The following ERMP1 variants were observed in gnomAD, a reference collection of about 807,000 sequenced individuals.
ERMP1 encodes endoplasmic reticulum metallopeptidase 1, also known as Felix-ina.
In ERMP1, 86 loss-of-function variants were observed where a neutral mutation model predicts 92.0. The ratio of observed to expected loss-of-function variants is 0.93; its 90% CI spans 0.79 to 1.12. The LOEUF (loss-of-function observed/expected upper bound fraction) is 1.12, where lower values mean the gene tolerates loss of function less well. ERMP1 is among the 50% of genes most tolerant of loss of function. The pLI is 0.00. For synonymous variants in ERMP1, 530 were observed against 412.8 expected, an observed-to-expected ratio of 1.28 and a Z score of -3.44; for missense variants, 1,342 against 1,116.3, an observed-to-expected ratio of 1.20 and a Z score of -2.88.
chr9:5,787,323 C>A lies in ERMP1; in HGVS notation c.2551-15G>T. 2 of 1,609,486 alleles carry A rather than the reference C, an allele frequency of 1.2e-6. No homozygotes were observed. Among genetic ancestry groups the A allele is most frequent in the Admixed American group, 1.7e-5 (1 of 59,528 alleles). On this transcript the variant is annotated splice_polypyrimidine_tract_variant and intron_variant, in intron 14 of 14. Coordinates refer to ENST00000339450, the MANE Select transcript of ERMP1 (RefSeq NM_024896.3). ...TCTTCTGAAACCTGCCAGAGAAAATCAATTAGTTCTCCAGTTCTCAGAAGC... is the reference window on the plus strand; with the variant it reads ...TCTTCTGAAACCTGCCAGAGAAAATAAATTAGTTCTCCAGTTCTCAGAAGC...
At chr9:5,854,255 C>T (rs1431422091) in intron 6 of ERMP1, among the ~76,000 whole-genome samples, 2 of 151,888 alleles carry the variant, frequency 1.3e-5, no homozygotes, top group East Asian at 1.9e-4. Context: ...ACTGTCAGTA[C>T]TAGTCAGGCT....
upstream of ERMP1, among the ~76,000 whole-genome samples, chr9:5,837,015 G>T (rs1185269920): frequency 6.6e-6 from 1 of 152,152 alleles, no homozygotes; most frequent in Non-Finnish European, 1.5e-5. Flanking sequence ...AACAAGCCTG[G>T]CTGCATTGCT....
intron 8 of ERMP1, 71 bp downstream of exon 8, chr9:5,809,940 A>C (rs1829025580): frequency 9.2e-7 from 1 of 1,083,778 alleles, no homozygotes; most frequent in Non-Finnish European, 1.4e-6. Context: ...AAATACAATG[A>C]ATCACACTTA....
At chr9:5,823,289 A>C (rs1244065023) in intron 4 of ERMP1, among the ~76,000 whole-genome samples, 1 of 152,174 alleles carries the variant, frequency 6.6e-6, no homozygotes, top group Non-Finnish European at 1.5e-5. Context: ...AAAAAACAAT[A>C]AAATAAAAAT....
At chr9:5,821,512 T>C (rs1829534898) in intron 4 of ERMP1, among the ~76,000 whole-genome samples, 1 of 152,204 alleles carries the variant, frequency 6.6e-6, no homozygotes, top group Admixed American at 6.5e-5. Flanking sequence ...CTACCAAAAA[T>C]GAGTACTTAA....
chr9:5,800,385 C>T (rs1222083523), intron 11 of ERMP1, among the ~76,000 whole-genome samples: 2 of 152,006 alleles, frequency 1.3e-5, no homozygotes, highest in South Asian at 4.2e-4. Context: ...AAAATAAGTC[C>T]TCAAACTGGC....
At chr9:5,817,292 C>T (rs975200100) in intron 4 of ERMP1, among the ~76,000 whole-genome samples, 5 of 152,128 alleles carry the variant, frequency 3.3e-5, no homozygotes, top group South Asian at 2.1e-4. Flanking sequence ...CGGGTTCAAG[C>T]GATTCTCCTG....
intron 6 of ERMP1, among the ~76,000 whole-genome samples, chr9:5,848,162 G>A (rs1454716927): frequency 6.6e-6 from 1 of 152,142 alleles, no homozygotes. Context: ...CCTTTACTTG[G>A]CAAAGGGACT....
rs10975321 is a variant in ERMP1 at position 5,861,359 on chromosome 9, C to T, written n.3056-1748G>A. On this transcript the variant is annotated intron_variant and non_coding_transcript_variant, in intron 5 of 6. Coordinates refer to the ERMP1 transcript ENST00000690753. ...AAAGTAAGATTTAAGGAAATATATT[C>T]TACACTCTTTCTACTCAAGGTACAG... Among the ~76,000 whole-genome samples, 36 of 152,122 alleles carry T rather than the reference C, an allele frequency of 2.4e-4. 1 individual carries two copies. In the East Asian group the frequency reaches 2.5e-3, roughly 11 times the overall value.
At chr9:5,839,708 T>C (rs375806164) in intron 6 of ERMP1, among the ~76,000 whole-genome samples, 20 of 152,250 alleles carry the variant, frequency 1.3e-4, no homozygotes, top group East Asian at 5.8e-4. Flanking sequence ...ACGGTTTCAC[T>C]TGGCTTTCGG....
intron 6 of ERMP1, among the ~76,000 whole-genome samples, chr9:5,838,295 A>G (rs1365514783): frequency 6.6e-6 from 1 of 152,116 alleles, no homozygotes; most frequent in Non-Finnish European, 1.5e-5. Flanking sequence ...TAACTCCAGC[A>G]CTTCGGAAGG....
intron 6 of ERMP1, among the ~76,000 whole-genome samples, chr9:5,845,108 T>C (rs1056400415): frequency 1.3e-5 from 2 of 151,080 alleles, no homozygotes; most frequent in African/African-American, 4.9e-5. Context: ...TGAATCATCG[T>C]GTTTTGTTTT....
intron 4 of ERMP1, among the ~76,000 whole-genome samples, chr9:5,815,428 C>T (rs1418246113): frequency 7.6e-6 from 1 of 132,090 alleles, no homozygotes; most frequent in Non-Finnish European, 1.6e-5. Flanking sequence ...ACAATTCATG[C>T]AACAAAATAA....
Position 5,787,245 on chromosome 9 carries a change from C to G in ERMP1, c.2614G>C (p.Glu872Gln). ...VAIAAHYLSG[E>Q]DKRSPQLDAL... Reference sequence around the variant, plus strand: ...TCCAGTTGAGGGGATCTCTTGTCTTCCCCAGACAGATAGTGGGCAGCAATG... The same window carrying G: ...TCCAGTTGAGGGGATCTCTTGTCTTGCCCAGACAGATAGTGGGCAGCAATG... The change falls in exon 15 of 15, where the codon GAA becomes CAA. Residue 872 changes from glutamate to glutamine, a missense_variant. By Grantham distance (29) the Glu-to-Gln change is conservative (BLOSUM62 2). Transcript: ENST00000339450. 2 of 1,614,074 alleles carry G rather than the reference C, an allele frequency of 1.2e-6. No homozygotes were observed. Among genetic ancestry groups the G allele is most frequent in the Non-Finnish European group, 1.7e-6 (2 of 1,179,972 alleles).
rs557830031 is a variant in ERMP1, at chr9:5,852,253, T to G, written n.3199+7215A>C. The stretch of plus-strand genomic sequence containing the variant: ...TCTGGCACAGGTAAGCAGCAGAGTG[T>G]TTTTTTTTGTTTTTTTGTTTTTTTT... On this transcript the variant is annotated intron_variant and non_coding_transcript_variant, in intron 6 of 6. Transcript: ENST00000690753. 7.0e-4 allele frequency among the ~76,000 whole-genome samples: 35 copies of G among 50,220 alleles called. No individual in the cohort carries two copies. In the South Asian group the frequency reaches 0.017, roughly 24 times the overall value. The allele number at this position is 50,220 out of a possible 152,430, so 32.9% of individuals were successfully genotyped here. A position where few individuals can be genotyped will look rare whatever the true frequency, so the allele number is the denominator to read the frequency against.
intron 4 of ERMP1, among the ~76,000 whole-genome samples, chr9:5,822,830 A>C (rs968838606): frequency 2.6e-5 from 4 of 152,156 alleles, no homozygotes; most frequent in African/African-American, 9.7e-5. Context: ...CTGAGGTTGC[A>C]ATTTTTTTAA....
At chr9:5,835,947 T>C (rs1830091687), upstream of ERMP1, among the ~76,000 whole-genome samples, 1 of 152,206 alleles carries the variant, frequency 6.6e-6, no homozygotes. Flanking sequence ...ATCAAATCCC[T>C]GATAAGGATG....
chr9:5,844,062 G>C (rs1482351812), intron 6 of ERMP1, among the ~76,000 whole-genome samples: 1 of 152,088 alleles, frequency 6.6e-6, no homozygotes, highest in African/African-American at 2.4e-5. Context: ...AAGAATCTCA[G>C]TCAGACCTAC....
chr9:5,794,916 T>C (rs1828353424), intron 13 of ERMP1, among the ~76,000 whole-genome samples: 1 of 152,168 alleles, frequency 6.6e-6, no homozygotes, highest in African/African-American at 2.4e-5. Flanking sequence ...TCCAGCATTA[T>C]CCTAATACCA....
Sources: gnomAD v4.1 joint callset for allele counts (sites outside exome capture counted in the v4.1 genomes callset) on GRCh38, gnomAD v4.1.1 for gene constraint, MANE v1.5 for transcripts, NCBI Gene and HGNC (gene_info 2026-07-23, HGNC 2026-07-21) for gene names.